Variants in EFTUD2 observed in about 807,000 individuals in gnomAD.
EFTUD2 encodes 116 kDa U5 small nuclear ribonucleoprotein component.
In EFTUD2, 9 loss-of-function variants were observed where a neutral mutation model predicts 114.3. That is an observed-to-expected ratio of 0.08 (90% CI 0.05 to 0.14). The LOEUF (loss-of-function observed/expected upper bound fraction) is 0.14. EFTUD2 is among the 10% of genes least tolerant of loss of function. EFTUD2 has a pLI of 1.00. For missense variants in EFTUD2, 765 were observed against 1,241.2 expected, an observed-to-expected ratio of 0.62 and a Z score of 5.76; for synonymous variants, 449 against 462.3, an observed-to-expected ratio of 0.97 and a Z score of 0.37.
chr17:44,869,305 CT>C (rs1337102123), intron 11 of EFTUD2, among the ~76,000 whole-genome samples: 8 of 152,102 alleles, frequency 5.3e-5, no homozygotes, highest in African/African-American at 1.9e-4. Flanking sequence ...AATCACTGAA[CT>C]TTTTTTCTTT....
At chr17:44,873,714 G>C (rs2050895203) in intron 10 of EFTUD2, among the ~76,000 whole-genome samples, 1 of 149,430 alleles carries the variant, frequency 6.7e-6, no homozygotes, top group African/African-American at 2.5e-5. Context: ...GTTAAGTTCA[G>C]CTCTATCCCA....
chr17:44,880,373 A>G (rs2051051348), intron 8 of EFTUD2, 181 bp downstream of exon 8: 2 of 523,056 alleles, frequency 3.8e-6, no homozygotes, highest in East Asian at 3.3e-5. Flanking sequence ...GGCCTGGAGT[A>G]TGATGCTTGC....
chr17:44,864,481 C>T (rs1307365121), intron 14 of EFTUD2, among the ~76,000 whole-genome samples: 9 of 152,178 alleles, frequency 5.9e-5, no homozygotes, highest in Non-Finnish European at 1.5e-5. Flanking sequence ...CATGGAATGG[C>T]CAGGGCAGGA....
chr17:44,894,488 A>G lies in EFTUD2; in HGVS notation c.34T>C (p.Tyr12His). 6.2e-7 allele frequency: 1 copy of G among 1,614,156 alleles called. No individual in the cohort carries two copies. The highest frequency in any genetic ancestry group is 8.5e-7 in the Non-Finnish European group (1 of 1,179,988). The change falls in exon 2 of 28, where the codon TAT becomes CAT. Residue 12 changes from tyrosine to histidine, a missense_variant. Tyr to His is a moderately conservative substitution (Grantham distance 83). Coordinates refer to ENST00000426333, the MANE Select transcript of EFTUD2 (RefSeq NM_004247.4). ...TCAGAATCAAGCTCTGGTCCAATATAATTCCCAAACTCATCATATAAGTCG... is the reference window on the plus strand; with the variant it reads ...TCAGAATCAAGCTCTGGTCCAATATGATTCCCAAACTCATCATATAAGTCG... ...DTDLYDEFGN[Y>H]IGPELDSDED...
chr17:44,852,360 G>A, intron 26 of EFTUD2, 49 bp downstream of exon 26: 2 of 1,609,552 alleles, frequency 1.2e-6, no homozygotes, highest in Non-Finnish European at 1.7e-6. Context: ...AGGGGATGAG[G>A]CTTGCAGAGG....
At chr17:44,880,520 G>T in intron 8 of EFTUD2, 34 bp downstream of exon 8, 2 of 1,562,364 alleles carry the variant, frequency 1.3e-6, no homozygotes, top group Non-Finnish European at 1.8e-6. Flanking sequence ...ACCAAGACAA[G>T]GTTCTAATAA....
At chr17:44,870,000 A>G (rs1191760717) in intron 11 of EFTUD2, among the ~76,000 whole-genome samples, 7 of 152,362 alleles carry the variant, frequency 4.6e-5, no homozygotes, top group African/African-American at 1.7e-4. Context: ...AATGGATTCT[A>G]GTTCCTACTC....
intron 4 of EFTUD2, among the ~76,000 whole-genome samples, chr17:44,884,730 C>G (rs2051134637): frequency 6.6e-6 from 1 of 151,714 alleles, no homozygotes; most frequent in Non-Finnish European, 1.5e-5. Flanking sequence ...GTACAAAAAA[C>G]ACAAAAATTA....
At chr17:44,862,312 G>T (rs1037224111) in intron 16 of EFTUD2, among the ~76,000 whole-genome samples, 19 of 152,252 alleles carry the variant, frequency 1.2e-4, no homozygotes, top group African/African-American at 4.3e-4. Context: ...GTGTGTGCTT[G>T]TAGTTCCAGC....
At chr17:44,871,300 C>G (rs1271245828) in intron 11 of EFTUD2, among the ~76,000 whole-genome samples, 2 of 151,826 alleles carry the variant, frequency 1.3e-5, no homozygotes, top group African/African-American at 2.4e-5. Flanking sequence ...CCTGGGATTA[C>G]AGGCGTGAGC....
At chr17:44,874,308 G>T (rs1294561777) in intron 10 of EFTUD2, among the ~76,000 whole-genome samples, 1 of 152,066 alleles carries the variant, frequency 6.6e-6, no homozygotes, top group African/African-American at 2.4e-5. Flanking sequence ...ACCTCTCAAA[G>T]TGCTGGGATT....
intron 7 of EFTUD2, among the ~76,000 whole-genome samples, 175 bp from the exon 8 acceptor site, chr17:44,880,819 C>A (rs1259838058): frequency 6.6e-6 from 1 of 152,136 alleles, no homozygotes; most frequent in Non-Finnish European, 1.5e-5. Context: ...GTGTTAGACA[C>A]CATTTTTGGG....
In EFTUD2 at chr17:44,854,473, AC is replaced by A. The variant is rs573290681; in HGVS notation, c.2259+82del. On this transcript the variant is annotated intron_variant, in intron 22 of 27. Coordinates refer to ENST00000426333, the MANE Select transcript of EFTUD2 (RefSeq NM_004247.4). This position sits in a 1 kb window ranked among gnomAD's most constrained non-coding sequence, Gnocchi z 4.3. ...TGTCCTTCACCAGAGGACACAAGAT[AC>A]TTTTGGGAAAAGAACACTTTGTAGT... 3,303 of 1,579,740 alleles carry A rather than the reference AC, an allele frequency of 2.1e-3. 2 individuals carry two copies. Among genetic ancestry groups the A allele is most frequent in the Non-Finnish European group, 2.5e-3 (2,942 of 1,160,104 alleles).
chr17:44,851,694 C>A lies in EFTUD2; in HGVS notation c.2823+16G>T. 1 of 1,574,464 alleles carries A rather than the reference C, an allele frequency of 6.4e-7. No homozygotes were observed. The highest frequency in any genetic ancestry group is 2.0e-5 in the Admixed American group (1 of 50,682). On this transcript the variant is annotated intron_variant, in intron 27 of 27. Coordinates refer to ENST00000426333, the MANE Select transcript of EFTUD2 (RefSeq NM_004247.4). ...TGGGGGGTTGAGGGATGGCAACAGG[C>A]CCAAGGGAGACATACCTTCCTACGG... is the stretch of plus-strand genomic sequence containing the variant.
chr17:44,894,894 A>C (rs758081472), intron 1 of EFTUD2, among the ~76,000 whole-genome samples: 1 of 152,254 alleles, frequency 6.6e-6, no homozygotes, highest in African/African-American at 2.4e-5. Context: ...TTTTAATACT[A>C]AATTTAATTT....
chr17:44,873,248 C>G (rs1383186862), intron 10 of EFTUD2: 1 of 152,204 alleles, frequency 6.6e-6, no homozygotes, highest in Non-Finnish European at 1.5e-5. Flanking sequence ...CACTCTACCC[C>G]CAAGTTATGC....
intron 10 of EFTUD2, among the ~76,000 whole-genome samples, chr17:44,873,732 CTTT>C (rs1307223826): frequency 3.8e-5 from 5 of 133,256 alleles, no homozygotes; most frequent in Admixed American, 7.5e-5. Context: ...CCACTTCCTA[CTTT>C]TTTTTTTTTT....
intron 9 of EFTUD2, 103 bp from the exon 10 acceptor site, chr17:44,876,203 GA>G: frequency 8.2e-6 from 11 of 1,340,584 alleles, no homozygotes; most frequent in Middle Eastern, 2.7e-4. Context: ...AGCCTGGGGA[GA>G]AAAAAAGACC....
intron 9 of EFTUD2, 90 bp from the exon 10 acceptor site, chr17:44,876,190 T>C: frequency 2.1e-6 from 3 of 1,450,858 alleles, no homozygotes; most frequent in Non-Finnish European, 2.8e-6. Context: ...TTTCAAACCA[T>C]GAAGCCTGGG....
Sources: gnomAD v4.1 joint callset for allele counts (sites outside exome capture counted in the v4.1 genomes callset) on GRCh38, gnomAD v4.1.1 for gene constraint, Gnocchi (gnomAD v3.1) non-coding constraint, MANE v1.5 for transcripts, NCBI Gene and HGNC (gene_info 2026-07-23, HGNC 2026-07-21) for gene names.